ZSCAN20: variants seen among roughly 807,000 people sequenced by gnomAD.
ZSCAN20 encodes zinc finger and SCAN domain containing 20.
Under a neutral mutation model 97.1 loss-of-function variants are expected in ZSCAN20, and 39 were observed. That is an observed-to-expected ratio of 0.40 (90% CI 0.31 to 0.52). The LOEUF (loss-of-function observed/expected upper bound fraction) is 0.52. Ranked by LOEUF, ZSCAN20 falls within the 20% of genes least tolerant of loss-of-function variation. ZSCAN20 has a pLI of 0.49. For missense variants in ZSCAN20, 1,115 were observed against 1,290.4 expected (o/e 0.86, Z 2.08); for synonymous variants, 456 against 467.3 (o/e 0.98, Z 0.31).
intron 2 of ZSCAN20, among the ~76,000 whole-genome samples, chr1:33,480,113 T>C (rs935553498): frequency 1.1e-4 from 17 of 152,240 alleles, no homozygotes; most frequent in African/African-American, 3.6e-4. Flanking sequence ...GTTTTATACT[T>C]AACAAAATCT....
intron 4 of ZSCAN20, 97 bp from the exon 5 acceptor site, chr1:33,489,421 C>T: frequency 8.0e-7 from 1 of 1,249,282 alleles, no homozygotes; most frequent in South Asian, 1.3e-5. Flanking sequence ...CATGGTATCC[C>T]TCTGTTCCCA....
intron 1 of ZSCAN20, among the ~76,000 whole-genome samples, chr1:33,477,729 C>T (rs1055841261): frequency 6.7e-6 from 1 of 149,748 alleles, no homozygotes; most frequent in Non-Finnish European, 1.5e-5. Flanking sequence ...GTCAATCATT[C>T]GTGACTTTAT....
chr1:33,474,206 G>A (rs185168980), intron 1 of ZSCAN20, among the ~76,000 whole-genome samples: 3 of 152,338 alleles, frequency 2.0e-5, no homozygotes, highest in East Asian at 1.9e-4. Context: ...ACTCTAGGCA[G>A]CCACTTCCAG....
At position 33,494,525 on chromosome 1, in the gene ZSCAN20, C is replaced by T. The variant is rs1345318977; in HGVS notation, c.2181C>T (p.Ala727=). The T allele has an allele frequency of 2.5e-6, 4 of 1,614,150 alleles. No individual in the cohort carries two copies. In the East Asian group the frequency reaches 6.7e-5, roughly 27 times the overall value. ...KSFSRSSHFI[A]HQRIHTGEKP... is the part of the protein sequence containing the mutation. ...TCAGTCGGAGCTCCCACTTCATTGC[C>T]CATCAGCGAATCCACACAGGTGAGA... The change falls in exon 8 of 8, where the codon GCC becomes GCT. Residue 727 remains alanine, a synonymous_variant. Coordinates refer to ENST00000684572, the MANE Select transcript of ZSCAN20 (RefSeq NM_001377376.1).
Position 33,493,053 on chromosome 1 carries a change from A to T in ZSCAN20, c.1445-134A>T, listed in dbSNP as rs1159423905. 10 of 903,248 alleles carry T rather than the reference A, an allele frequency of 1.1e-5. No individual in the cohort carries two copies. Among genetic ancestry groups the T allele is most frequent in the Non-Finnish European group, 1.3e-5 (8 of 605,658 alleles). 56.0% of individuals were successfully genotyped at this position (903,248 alleles called of 1,614,324 possible). On this transcript the variant is annotated intron_variant, in intron 6 of 7. Coordinates refer to ENST00000684572, the MANE Select transcript of ZSCAN20 (RefSeq NM_001377376.1). The surrounding 1 kb of genome is among the most constrained non-coding windows in gnomAD (Gnocchi z 4.3). Reference sequence around the variant, plus strand: ...TAGCATGCCCCTGAGAAGCAAAGGGATATTCTCCAGGTACCTGGATAGTTT... The same window carrying T: ...TAGCATGCCCCTGAGAAGCAAAGGGTTATTCTCCAGGTACCTGGATAGTTT...
At chr1:33,478,078 G>A (rs1652002770) in intron 1 of ZSCAN20, among the ~76,000 whole-genome samples, 1 of 152,176 alleles carries the variant, frequency 6.6e-6, no homozygotes, top group African/African-American at 2.4e-5. Context: ...GTGGAGCATG[G>A]TAAAGAGACG....
Position 33,494,713 on chromosome 1 carries a change from G to T in ZSCAN20, c.2369G>T (p.Gly790Val). Residue 790 changes from glycine to valine, a missense_variant, in exon 8 of 8, where the codon GGG (glycine) becomes GTG (valine). Coordinates refer to ENST00000684572, the MANE Select transcript of ZSCAN20 (RefSeq NM_001377376.1). ...NLITHQRIHT[G>V]EKPYKCGECW... The stretch of plus-strand genomic sequence containing the variant: ...ATCACTCACCAGAGAATTCACACGG[G>T]GGAAAAGCCCTATAAATGTGGAGAA... 2 of 1,614,082 alleles carry T rather than the reference G, an allele frequency of 1.2e-6. No individual in the cohort carries two copies. The highest frequency in any genetic ancestry group is 1.7e-6 in the Non-Finnish European group (2 of 1,180,028).
In ZSCAN20 at chr1:33,498,418, G is replaced by A. The variant is rs879315595; in HGVS notation, c.*2942G>A. Among the ~76,000 whole-genome samples, 24 of 152,180 alleles carry A rather than the reference G, an allele frequency of 1.6e-4. No individual in the cohort carries two copies. Among genetic ancestry groups the A allele is most frequent in the Admixed American group, 5.9e-4 (9 of 15,276 alleles). On this transcript the variant is annotated 3_prime_UTR_variant, in exon 8 of 8. Coordinates refer to ENST00000684572, the MANE Select transcript of ZSCAN20 (RefSeq NM_001377376.1). ...GGCCAGGTGAGAAAATGGCCCAGGTGGTCCCTTCCTCCTTGTCTACCTGAC... is the reference window on the plus strand; with the variant it reads ...GGCCAGGTGAGAAAATGGCCCAGGTAGTCCCTTCCTCCTTGTCTACCTGAC...
chr1:33,479,757 G>C, intron 2 of ZSCAN20, 52 bp downstream of exon 2: 2 of 1,437,618 alleles, frequency 1.4e-6, no homozygotes, highest in East Asian at 5.0e-5. Flanking sequence ...AAGGCAGCAG[G>C]GTTGTGACTA....
chr1:33,490,979 C>A (rs187889098), intron 5 of ZSCAN20, 46 bp from the exon 6 acceptor site: 3 of 1,511,944 alleles, frequency 2.0e-6, no homozygotes. Context: ...ACAAACATGC[C>A]GCTCAACAGA....
intron 2 of ZSCAN20, among the ~76,000 whole-genome samples, chr1:33,485,602 T>A (rs1013570872): frequency 1.3e-5 from 2 of 151,518 alleles, no homozygotes; most frequent in Non-Finnish European, 2.9e-5. Context: ...TTTGTTGAGA[T>A]GGGATTTCAC....
In ZSCAN20 at chr1:33,501,154, G is replaced by A. The variant is rs866188523; in HGVS notation, c.*5678G>A. On this transcript the variant is annotated 3_prime_UTR_variant, in exon 8 of 8. Transcript: ENST00000684572. Reference sequence around the variant, plus strand: ...GAGGAAAGGGCTTGTTCATGACCACGTATGAGGTCGCCAACCCAACCCTGT... The same window carrying A: ...GAGGAAAGGGCTTGTTCATGACCACATATGAGGTCGCCAACCCAACCCTGT... Among the ~76,000 whole-genome samples, 8 of 152,150 alleles carry A rather than the reference G, an allele frequency of 5.3e-5. No homozygotes were observed. The highest frequency in any genetic ancestry group is 1.7e-4 in the African/African-American group (7 of 41,432).
chr1:33,474,495 C>T (rs1651849086), intron 1 of ZSCAN20, among the ~76,000 whole-genome samples: 1 of 152,216 alleles, frequency 6.6e-6, no homozygotes, highest in Admixed American at 6.5e-5. Flanking sequence ...TGCCCCTCAG[C>T]TTCCCTGTGT....
chr1:33,488,696 G>C (rs1454845494), intron 3 of ZSCAN20, 45 bp downstream of exon 3: 2 of 1,580,096 alleles, frequency 1.3e-6, no homozygotes, highest in African/African-American at 1.4e-5. Flanking sequence ...TTCTGCAGGG[G>C]AGAGGGATGG....
chr1:33,475,725 T>A (rs1338948954), intron 1 of ZSCAN20, among the ~76,000 whole-genome samples: 1 of 151,934 alleles, frequency 6.6e-6, no homozygotes, highest in Non-Finnish European at 1.5e-5. Context: ...AGTGGCACGA[T>A]CTCAGCTCAC....
In ZSCAN20 at chr1:33,488,508, G is replaced by C. The variant is rs760731103; in HGVS notation, c.461G>C (p.Gly154Ala). 2.5e-6 allele frequency: 4 copies of C among 1,614,134 alleles called. No individual in the cohort carries two copies. Among genetic ancestry groups the C allele is most frequent in the Non-Finnish European group, 3.4e-6 (4 of 1,180,004 alleles). Residue 154 changes from glycine to alanine, a missense_variant, in exon 3 of 8, where the codon GGG becomes GCG. Around this residue, in one of 3 missense-constraint regions of ZSCAN20, gnomAD observed 508 missense variants for 611.2 expected, o/e 0.83. Transcript: ENST00000684572. ...HTEETRPLKT[G>A]EEAQSFQLQP... ...GAAGAGACCAGGCCCTTAAAGACAG[G>C]GGAAGAAGCTCAGAGCTTCCAGCTG...
chr1:33,488,698 G>A (rs1557441287), intron 3 of ZSCAN20, 47 bp downstream of exon 3: 20 of 1,572,120 alleles, frequency 1.3e-5, no homozygotes, highest in Non-Finnish European at 1.6e-5. Context: ...CTGCAGGGGA[G>A]AGGGATGGGA....
intron 5 of ZSCAN20, among the ~76,000 whole-genome samples, chr1:33,489,830 T>A (rs564893551): frequency 6.6e-6 from 1 of 152,290 alleles, no homozygotes; most frequent in Admixed American, 6.5e-5. Context: ...CTGGGCACAT[T>A]ACCTTCCTTA....
At chr1:33,488,377 T>C (rs1652448839) in intron 2 of ZSCAN20, 88 bp from the exon 3 acceptor site, 1 of 1,343,138 alleles carries the variant, frequency 7.4e-7, no homozygotes. Context: ...TAAAAGAGCC[T>C]GTTAGCCTCT....
Sources: gnomAD v4.1 joint callset for allele counts (sites outside exome capture counted in the v4.1 genomes callset) on GRCh38, gnomAD v4.1.1 for gene constraint, gnomAD v4.1.1 regional missense constraint, Gnocchi (gnomAD v3.1) non-coding constraint, MANE v1.5 for transcripts, NCBI Gene and HGNC (gene_info 2026-07-23, HGNC 2026-07-21) for gene names.